Variants in NUP210L observed in about 807,000 individuals in gnomAD.
NUP210L encodes nucleoporin 210 like.
A neutral mutation model predicts 208.5 loss-of-function variants in NUP210L; 74 were observed. The observed-to-expected ratio is 0.35, with a 90% CI of 0.29 to 0.43. The LOEUF (loss-of-function observed/expected upper bound fraction) is 0.43. Ranked by LOEUF, NUP210L falls within the 20% of genes least tolerant of loss-of-function variation. NUP210L has a pLI of 1.00. For synonymous variants in NUP210L, 780 were observed against 816.9 expected (o/e 0.95, Z 0.77); for missense variants, 1,843 against 2,289.4 (o/e 0.81, Z 3.98).
At chr1:154,130,759 C>T (rs1293248352) in intron 7 of NUP210L, among the ~76,000 whole-genome samples, 1 of 151,488 alleles carries the variant, frequency 6.6e-6, no homozygotes, top group African/African-American at 2.4e-5. Flanking sequence ...TAACCTTTTA[C>T]TTTTTGTAGA....
chr1:154,107,000 C>T (rs1052939875), intron 12 of NUP210L, among the ~76,000 whole-genome samples: 2 of 152,086 alleles, frequency 1.3e-5, no homozygotes, highest in African/African-American at 4.8e-5. Context: ...CAAGACCATA[C>T]AGGAAAACAT....
chr1:154,058,359 G>T, intron 21 of NUP210L, 143 bp from the exon 22 acceptor site: 1 of 1,067,922 alleles, frequency 9.4e-7, no homozygotes, highest in Non-Finnish European at 1.3e-6. Context: ...TAATCTATGT[G>T]TATTGTTTTA....
chr1:154,150,315 G>A (rs569141059), intron 2 of NUP210L, among the ~76,000 whole-genome samples: 19 of 151,618 alleles, frequency 1.3e-4, no homozygotes, highest in African/African-American at 3.9e-4. Context: ...CAGAGGTTGC[G>A]GTGAGTGGAG....
chr1:154,101,933 T>C (rs1656493122), intron 13 of NUP210L, among the ~76,000 whole-genome samples: 2 of 152,142 alleles, frequency 1.3e-5, no homozygotes, highest in Admixed American at 1.3e-4. Context: ...GTGGATTACC[T>C]GAAGTCAGGA....
intron 15 of NUP210L, among the ~76,000 whole-genome samples, chr1:154,092,562 T>A (rs1242185584): frequency 6.6e-6 from 1 of 151,344 alleles, no homozygotes; most frequent in Non-Finnish European, 1.5e-5. Flanking sequence ...TTTTTTTTTT[T>A]TTTTAGCAGA....
chr1:154,001,921 C>G, exon 36 of NUP210L: 1 of 1,614,024 alleles, frequency 6.2e-7, no homozygotes, highest in Non-Finnish European at 8.5e-7. Flanking sequence ...AGGTGTCAGC[C>G]ACACTGAGGG....
rs1571174436 is a variant in NUP210L, at chr1:154,018,823, A to G, written c.4653+110T>C. 22 of 1,272,398 alleles carry G rather than the reference A, an allele frequency of 1.7e-5. No homozygotes were observed. The East Asian group carries it at 4.9e-4, about 28-fold the overall frequency. The allele number at this position is 1,272,398 out of a possible 1,614,324, so 78.8% of individuals were successfully genotyped here. A position where few individuals can be genotyped will look rare whatever the true frequency, so the allele number is the denominator to read the frequency against. On this transcript the variant is annotated intron_variant, in intron 33 of 39. Coordinates refer to ENST00000368559, the Ensembl canonical transcript of NUP210L. Reference sequence around the variant, plus strand: ...AGTAAAGTTTGCTGGCTGGCTTTATATCTGTTTTATGAGTGTATTTCCTTT... The same window carrying G: ...AGTAAAGTTTGCTGGCTGGCTTTATGTCTGTTTTATGAGTGTATTTCCTTT...
At chr1:154,126,992 C>T (rs1297571725) in intron 9 of NUP210L, among the ~76,000 whole-genome samples, 1 of 151,734 alleles carries the variant, frequency 6.6e-6, no homozygotes, top group East Asian at 1.9e-4. Context: ...GTTGCTTATG[C>T]CTTTAATCCC....
intron 23 of NUP210L, among the ~76,000 whole-genome samples, chr1:154,055,141 T>TTTC (rs752089455): frequency 0.032 from 3,246 of 102,648 alleles, 66 homozygotes; most frequent in East Asian, 0.067. Flanking sequence ...CTTTCTTTCT[T>TTTC]TCTTTCTTTC....
intron 37 of NUP210L, chr1:153,995,960 A>C (rs1649831724): frequency 1.1e-5 from 5 of 443,208 alleles, no homozygotes; most frequent in South Asian, 1.7e-5. Flanking sequence ...CAGCTAAATA[A>C]AAAATGAAAC....
At chr1:153,995,522 T>G in intron 37 of NUP210L, 1 of 616,282 alleles carries the variant, frequency 1.6e-6, no homozygotes, top group Non-Finnish European at 3.0e-6. Flanking sequence ...ATTCTTGAGC[T>G]TGTTATTTCT....
intron 19 of NUP210L, 59 bp from the exon 20 acceptor site, chr1:154,060,700 GA>G: frequency 8.6e-7 from 1 of 1,166,792 alleles, no homozygotes; most frequent in Non-Finnish European, 1.3e-6. Context: ...TAGCTCAAAG[GA>G]AATAATTTCT....
At position 154,094,093 on chromosome 1, in the gene NUP210L, C is replaced by T. The variant is rs572894171; in HGVS notation, c.2187+842G>A. On this transcript the variant is annotated intron_variant, in intron 15 of 39. Coordinates refer to ENST00000368559, the Ensembl canonical transcript of NUP210L. ...GGTCAGGAGTTTGAGACCAGCCTGA[C>T]CAACATGGTAAAACCCCGTCTCTAC... Among the ~76,000 whole-genome samples, 12 of 152,214 alleles carry T rather than the reference C, an allele frequency of 7.9e-5. No individual in the cohort carries two copies. The East Asian group carries it at 2.1e-3, about 27-fold the overall frequency.
intron 10 of NUP210L, among the ~76,000 whole-genome samples, chr1:154,124,170 G>A: frequency 7.3e-6 from 1 of 136,190 alleles, no homozygotes; most frequent in African/African-American, 2.8e-5. Flanking sequence ...CTGGGCAACA[G>A]AGTGAGACTC....
intron 15 of NUP210L, among the ~76,000 whole-genome samples, chr1:154,091,243 G>A (rs1655897226): frequency 6.6e-6 from 1 of 151,404 alleles, no homozygotes; most frequent in East Asian, 1.9e-4. Context: ...CTACAGGCAC[G>A]TGCAACCACA....
chr1:154,130,637 A>C (rs1658202788), intron 7 of NUP210L, among the ~76,000 whole-genome samples: 1 of 137,692 alleles, frequency 7.3e-6, no homozygotes, highest in Non-Finnish European at 1.5e-5. Flanking sequence ...GGCTGAGTGC[A>C]GTGGTACAAT....
rs750023658 is a variant in NUP210L at position 154,127,273 on chromosome 1, C to T, written c.1185+38G>A. ...ACTTTACATCTTATGTATCTTATCCCTACAAGGAGCTCAGAAAAATAAAAA... is the reference window on the plus strand; with the variant it reads ...ACTTTACATCTTATGTATCTTATCCTTACAAGGAGCTCAGAAAAATAAAAA... On this transcript the variant is annotated intron_variant, in intron 9 of 39. Coordinates refer to ENST00000368559, the Ensembl canonical transcript of NUP210L. The T allele has an allele frequency of 6.9e-6, 7 of 1,013,638 alleles. No homozygotes were observed. The Admixed American group carries it at 1.3e-4, about 19-fold the overall frequency. 62.8% of individuals were successfully genotyped at this position (1,013,638 alleles called of 1,614,324 possible). A position where few individuals can be genotyped will look rare whatever the true frequency, so the allele number is the denominator to read the frequency against.
At position 154,134,367 on chromosome 1, in the gene NUP210L, G is replaced by A. The variant is rs1465361123; in HGVS notation, c.1009+1447C>T. 5.3e-5 allele frequency among the ~76,000 whole-genome samples: 8 copies of A among 149,680 alleles called. 1 individual carries two copies. The South Asian group carries it at 1.3e-3, about 24-fold the overall frequency. On this transcript the variant is annotated intron_variant, in intron 7 of 39. Coordinates refer to ENST00000368559, the Ensembl canonical transcript of NUP210L. ...TCCAAATCATATTTCAATTTTCTGA[G>A]AATTTAAATCTTCATTCTCTTCTGT...
chr1:154,078,614 C>CAA (rs1655161252), intron 16 of NUP210L, among the ~76,000 whole-genome samples: 1 of 148,078 alleles, frequency 6.8e-6, no homozygotes, highest in Admixed American at 6.7e-5. Flanking sequence ...AAAAAGAAAA[C>CAA]AATATATATA....
Sources: allele counts gnomAD v4.1 joint callset (sites outside exome capture counted in the v4.1 genomes callset), GRCh38; gene constraint gnomAD v4.1.1; transcripts MANE v1.5; gene names NCBI Gene and HGNC (gene_info 2026-07-23, HGNC 2026-07-21).